The following PRKCZ variants were observed in gnomAD, a reference collection of about 807,000 sequenced individuals.
PRKCZ encodes protein kinase C zeta type.
In PRKCZ, 33 loss-of-function variants were observed where a neutral mutation model predicts 79.5. The ratio of observed to expected loss-of-function variants is 0.41; its 90% CI spans 0.31 to 0.55. The LOEUF (loss-of-function observed/expected upper bound fraction) is 0.55. Among genes scored for constraint, PRKCZ ranks in the 20% least tolerant of loss-of-function variants. The pLI is 0.19. For missense variants in PRKCZ, 578 were observed against 813.5 expected (o/e 0.71, Z 3.52); for synonymous variants, 342 against 320.9 (o/e 1.07, Z -0.70).
intron 4 of PRKCZ, among the ~76,000 whole-genome samples, chr1:2,067,617 A>T (rs542608487): frequency 6.6e-6 from 1 of 152,052 alleles, no homozygotes; most frequent in African/African-American, 2.4e-5. Context: ...CGGGCTGCCC[A>T]GGGCCCATGA....
At chr1:2,118,767 G>T (rs534806483) in intron 4 of PRKCZ, among the ~76,000 whole-genome samples, 22 of 139,336 alleles carry the variant, frequency 1.6e-4, no homozygotes, top group Non-Finnish European at 2.4e-4. Flanking sequence ...GATGAGGGGA[G>T]GGAGGGAAGG....
intron 4 of PRKCZ, among the ~76,000 whole-genome samples, chr1:2,065,910 C>T (rs369902320): frequency 1.6e-3 from 236 of 152,094 alleles, no homozygotes; most frequent in African/African-American, 5.3e-3. Flanking sequence ...TCAGTTGAGA[C>T]GATCATGTGT....
chr1:2,067,152 T>A (rs1387702851), intron 4 of PRKCZ, among the ~76,000 whole-genome samples: 6 of 152,234 alleles, frequency 3.9e-5, no homozygotes. Context: ...TAATGTCTGT[T>A]TTTTGAAATC....
At chr1:2,058,541 C>T (rs1040740211) in intron 3 of PRKCZ, among the ~76,000 whole-genome samples, 6 of 152,068 alleles carry the variant, frequency 3.9e-5, no homozygotes, top group Admixed American at 3.9e-4. Context: ...ATAGTAAGCA[C>T]ATTTTGCCTC....
At chr1:2,059,426 G>T in intron 3 of PRKCZ, 115 bp from the exon 4 acceptor site, 1 of 1,276,286 alleles carries the variant, frequency 7.8e-7, no homozygotes, top group Non-Finnish European at 1.1e-6. Flanking sequence ...GCAGTGCCAC[G>T]TGCGCCTTGC....
chr1:2,097,781 G>A (rs142976177), intron 4 of PRKCZ, among the ~76,000 whole-genome samples: 4 of 152,318 alleles, frequency 2.6e-5, no homozygotes, highest in African/African-American at 9.6e-5. Context: ...AAAAGAAATA[G>A]CACTCGAACA....
upstream of PRKCZ, among the ~76,000 whole-genome samples, chr1:2,050,241 G>A (rs968777640): frequency 2.7e-4 from 41 of 151,748 alleles, no homozygotes; most frequent in Non-Finnish European, 5.0e-4. Context: ...AGGTAGCCCC[G>A]CCCGACAGGT....
rs1165675915 is a variant in PRKCZ at position 2,177,345 on chromosome 1, G to A, written c.1575+2032G>A. ...ACCTCCCCTCGCCCGTCTCAGCTCAGTCTCCCCCGTGCCTTTCCCACCCTC... is the reference window on the plus strand; with the variant it reads ...ACCTCCCCTCGCCCGTCTCAGCTCAATCTCCCCCGTGCCTTTCCCACCCTC... On this transcript the variant is annotated intron_variant, in intron 16 of 17. Transcript: ENST00000378567. The surrounding 1 kb of genome is among the most constrained non-coding windows in gnomAD (Gnocchi z 6.4). Among the ~76,000 whole-genome samples, 1 of 152,110 alleles carries A rather than the reference G, an allele frequency of 6.6e-6. No individual in the cohort carries two copies. Among genetic ancestry groups the A allele is most frequent in the African/African-American group, 2.4e-5 (1 of 41,428 alleles).
In PRKCZ at chr1:2,082,831, A is replaced by AG. The variant is rs926918488; in HGVS notation, c.334+23244dup. Among the ~76,000 whole-genome samples, 1 of 149,338 alleles carries AG rather than the reference A, an allele frequency of 6.7e-6. No individual in the cohort carries two copies. The highest frequency in any genetic ancestry group is 2.5e-5 in the African/African-American group (1 of 40,296). Reference sequence around the variant, plus strand: ...GGATGTAGTAGCAGGGAGAGGGTGGAGGGGCGGCCAAGGGCGTGAGGGAGA... The same window carrying AG: ...GGATGTAGTAGCAGGGAGAGGGTGGAGGGGGCGGCCAAGGGCGTGAGGGAGA... On this transcript the variant is annotated intron_variant, in intron 4 of 17. Coordinates refer to ENST00000378567, the MANE Select transcript of PRKCZ (RefSeq NM_002744.6). This position sits in a 1 kb window ranked among gnomAD's most constrained non-coding sequence, Gnocchi z 4.4.
chr1:2,181,371 C>G (rs1371890492), intron 16 of PRKCZ, among the ~76,000 whole-genome samples: 1 of 152,248 alleles, frequency 6.6e-6, no homozygotes, highest in Non-Finnish European at 1.5e-5. Flanking sequence ...GAACGGGCCC[C>G]CTGTTGTATC....
Position 2,101,575 on chromosome 1 carries a change from C to T in PRKCZ, c.335-33687C>T, listed in dbSNP as rs187641267. ...CGGAGACCATCAGCCAGTCTGCGTT[C>T]GGCCTGTGTCTGCCACTGGCTGCAG... is the stretch of plus-strand genomic sequence containing the variant. On this transcript the variant is annotated intron_variant, in intron 4 of 17. Coordinates refer to ENST00000378567, the MANE Select transcript of PRKCZ (RefSeq NM_002744.6). Among the ~76,000 whole-genome samples the T allele has an allele frequency of 2.7e-3, 416 of 152,332 alleles. 3 individuals carry two copies. The highest frequency in any genetic ancestry group is 9.5e-3 in the African/African-American group (394 of 41,564).
chr1:2,176,007 C>T (rs866208720), intron 16 of PRKCZ, among the ~76,000 whole-genome samples: 3 of 152,120 alleles, frequency 2.0e-5, no homozygotes, highest in African/African-American at 4.8e-5. Flanking sequence ...GACCAGCAGT[C>T]GCAGCGTTCA....
chr1:2,174,670 C>A lies in PRKCZ; in HGVS notation c.1406-84C>A. 1 of 1,423,142 alleles carries A rather than the reference C, an allele frequency of 7.0e-7. No individual in the cohort carries two copies. The highest frequency in any genetic ancestry group is 1.2e-5 in the South Asian group (1 of 84,702). The allele number at this position is 1,423,142 out of a possible 1,614,324, so 88.2% of individuals were successfully genotyped here. A position where few individuals can be genotyped will look rare whatever the true frequency, so the allele number is the denominator to read the frequency against. On this transcript the variant is annotated intron_variant, in intron 14 of 17. Transcript: ENST00000378567. The surrounding 1 kb of genome is among the most constrained non-coding windows in gnomAD (Gnocchi z 6.2). The stretch of plus-strand genomic sequence containing the variant: ...GGGCCCCAAGGCTGAGCTCCCAAAG[C>A]TCTTGCTCAGAGTCAGAGTCTGGGC...
chr1:2,133,466 C>G (rs971602007), intron 4 of PRKCZ, among the ~76,000 whole-genome samples: 7 of 150,446 alleles, frequency 4.7e-5, no homozygotes, highest in African/African-American at 7.4e-5. Context: ...GCTCTACCCC[C>G]AGCTGTGCGC....
At chr1:2,054,888 T>C (rs1660014080) in intron 1 of PRKCZ, among the ~76,000 whole-genome samples, 1 of 151,848 alleles carries the variant, frequency 6.6e-6, no homozygotes, top group African/African-American at 2.4e-5. Context: ...CCTCATTCTT[T>C]CCAGCCAGGT....
chr1:2,182,161 C>G (rs1036719673), intron 16 of PRKCZ: 8 of 229,806 alleles, frequency 3.5e-5, no homozygotes, highest in African/African-American at 7.0e-5. Context: ...TCCCAAAAGC[C>G]TATGAGGGTT....
intron 4 of PRKCZ, among the ~76,000 whole-genome samples, chr1:2,112,804 C>G (rs1359495363): frequency 1.3e-5 from 2 of 152,008 alleles, no homozygotes; most frequent in Non-Finnish European, 2.9e-5. Flanking sequence ...ATTTTCCTGC[C>G]TCAGCCTCCC....
At chr1:2,087,648 C>T (rs955792895) in intron 4 of PRKCZ, among the ~76,000 whole-genome samples, 3 of 152,038 alleles carry the variant, frequency 2.0e-5, no homozygotes, top group East Asian at 1.9e-4. Context: ...GCAGGATACC[C>T]GAGTAATATG....
Position 2,135,353 on chromosome 1 carries a change from T to C in PRKCZ, c.420+6T>C. 1 of 1,606,592 alleles carries C rather than the reference T, an allele frequency of 6.2e-7. No individual in the cohort carries two copies. Among genetic ancestry groups the C allele is most frequent in the East Asian group, 2.2e-5 (1 of 44,814 alleles). On this transcript the variant is annotated splice_donor_region_variant and intron_variant, in intron 5 of 17. Coordinates refer to ENST00000378567, the MANE Select transcript of PRKCZ (RefSeq NM_002744.6). ...AAGCCAAGCGCTTTAACAGGGTGAG[T>C]GGCCCCCTTGGGACTAGTCCCTCAA...
Sources: gnomAD v4.1 joint callset for allele counts (sites outside exome capture counted in the v4.1 genomes callset) on GRCh38, gnomAD v4.1.1 for gene constraint, Gnocchi (gnomAD v3.1) non-coding constraint, MANE v1.5 for transcripts, NCBI Gene and HGNC (gene_info 2026-07-23, HGNC 2026-07-21) for gene names.